COL28A1: variants seen among roughly 807,000 people sequenced by gnomAD.
COL28A1 encodes the protein collagen alpha-1(XXVIII) chain.
Under a neutral mutation model 150.2 loss-of-function variants are expected in COL28A1, and 161 were observed. The ratio of observed to expected loss-of-function variants is 1.07; its 90% CI spans 0.94 to 1.22. The LOEUF (loss-of-function observed/expected upper bound fraction) is 1.22, where lower values mean the gene tolerates loss of function less well. COL28A1 is among the 50% of genes most tolerant of loss of function. The pLI, the probability that COL28A1 is intolerant of heterozygous loss-of-function variation, is 0.00. For missense variants in COL28A1, 1,617 were observed against 1,388.3 expected (o/e 1.16, Z -2.62); for synonymous variants, 552 against 469.7 (o/e 1.18, Z -2.26).
the COL28A1 span, among the ~76,000 whole-genome samples, chr7:7,350,173 G>A: frequency 6.6e-6 from 1 of 152,090 alleles, no homozygotes; most frequent in African/African-American, 2.4e-5. Context: ...TGGAAGCCAG[G>A]TGCAATGACA....
intron 3 of COL28A1, 36 bp from the exon 4 acceptor site, chr7:7,524,285 T>G: frequency 8.7e-7 from 1 of 1,152,110 alleles, no homozygotes; most frequent in South Asian, 1.2e-5. Flanking sequence ...TTAACTCGAT[T>G]GATAGTTCTG....
In COL28A1 at chr7:7,532,826, G is replaced by A. The variant is rs767342248; in HGVS notation, c.50C>T (p.Thr17Met). The A allele has an allele frequency of 3.4e-5, 55 of 1,611,204 alleles. No individual in the cohort carries two copies. Among genetic ancestry groups the A allele is most frequent in the Admixed American group, 8.4e-5 (5 of 59,682 alleles). The change falls in exon 2 of 35, where the codon ACG becomes ATG. Residue 17 changes from threonine (T) to methionine (M), a missense_variant. By Grantham distance (81) the Thr-to-Met change is moderately conservative (BLOSUM62 -1). Coordinates refer to ENST00000399429, the MANE Select transcript of COL28A1 (RefSeq NM_001037763.3). Reference sequence around the variant, plus strand: ...TCTTTGTCCGGATACTGTTTGACTCGTAAACGCTGACAAAAGCAGGAGATA... The same window carrying A: ...TCTTTGTCCGGATACTGTTTGACTCATAAACGCTGACAAAAGCAGGAGATA... ...VFYLLLLSAF[T>M]SQTVSGQRKK...
At chr7:7,477,802 C>A (rs919809180) in intron 13 of COL28A1, among the ~76,000 whole-genome samples, 1 of 152,184 alleles carries the variant, frequency 6.6e-6, no homozygotes, top group Admixed American at 6.5e-5. Context: ...CCTCTGCTGG[C>A]TAGGGCAGCC....
At chr7:7,517,588 C>CT (rs1224768601) in intron 7 of COL28A1, among the ~76,000 whole-genome samples, 4 of 152,144 alleles carry the variant, frequency 2.6e-5, no homozygotes, top group Non-Finnish European at 5.9e-5. Flanking sequence ...AACACTCCTG[C>CT]TCCCATTTTC....
chr7:7,415,451 G>A (rs1583319789), intron 27 of COL28A1, among the ~76,000 whole-genome samples: 1 of 152,226 alleles, frequency 6.6e-6, no homozygotes. Context: ...AGGAAAATGA[G>A]ATGGAAGTCC....
downstream of COL28A1, among the ~76,000 whole-genome samples, chr7:7,351,542 T>C (rs1281469590): frequency 1.3e-5 from 2 of 152,152 alleles, no homozygotes; most frequent in Non-Finnish European, 2.9e-5. Flanking sequence ...CCAAGATTTC[T>C]TGGTAATTCT....
At chr7:7,424,858 A>G (rs1041664794) in intron 25 of COL28A1, among the ~76,000 whole-genome samples, 1 of 152,164 alleles carries the variant, frequency 6.6e-6, no homozygotes, top group African/African-American at 2.4e-5. Context: ...GTGCATATGA[A>G]CTTAACAAAT....
chr7:7,454,558 GT>G (rs899444137), intron 16 of COL28A1, among the ~76,000 whole-genome samples: 2 of 151,548 alleles, frequency 1.3e-5, no homozygotes, highest in Non-Finnish European at 1.5e-5. Context: ...CTTTTGTTTT[GT>G]TTTTTTTCCC....
chr7:7,414,695 C>T (rs1196643948), intron 27 of COL28A1, among the ~76,000 whole-genome samples: 3 of 152,174 alleles, frequency 2.0e-5, no homozygotes, highest in Non-Finnish European at 4.4e-5. Context: ...CCTTCTACTC[C>T]CACATTCCTT....
chr7:7,520,015 C>T, intron 6 of COL28A1, 47 bp downstream of exon 6: 1 of 887,856 alleles, frequency 1.1e-6, no homozygotes, highest in South Asian at 1.5e-5. Context: ...AAAAAAAAGT[C>T]TAGAAGGAGA....
intron 18 of COL28A1, among the ~76,000 whole-genome samples, chr7:7,445,491 G>C (rs1583392684): frequency 3.3e-5 from 5 of 152,192 alleles, no homozygotes; most frequent in Admixed American, 3.3e-4. Context: ...AAGGCACTCA[G>C]TTCCTAGTAC....
intron 16 of COL28A1, among the ~76,000 whole-genome samples, chr7:7,455,142 G>C (rs1787040981): frequency 6.6e-6 from 1 of 152,044 alleles, no homozygotes; most frequent in Admixed American, 6.5e-5. Flanking sequence ...ACAGAAACTA[G>C]ATACAGAAAG....
At position 7,532,893 on chromosome 7, in the gene COL28A1, A is replaced by C. The variant is rs770451312; in HGVS notation, c.-18T>G. ...TTCCACATTATGGTAGATGGTGAAAAATCATCTGTCTTGTAGCACCTTTAA... is the reference window on the plus strand; with the variant it reads ...TTCCACATTATGGTAGATGGTGAAACATCATCTGTCTTGTAGCACCTTTAA... On this transcript the variant is annotated 5_prime_UTR_variant, in exon 2 of 35. The change creates a new upstream start codon in the 5' untranslated region. Coordinates refer to ENST00000399429, the MANE Select transcript of COL28A1 (RefSeq NM_001037763.3). 2 of 1,589,390 alleles carry C rather than the reference A, an allele frequency of 1.3e-6. No homozygotes were observed. The highest frequency in any genetic ancestry group is 3.8e-5 in the Admixed American group (2 of 53,044).
intron 15 of COL28A1, among the ~76,000 whole-genome samples, chr7:7,462,885 A>G (rs1787751386): frequency 6.6e-6 from 1 of 151,756 alleles, no homozygotes; most frequent in African/African-American, 2.4e-5. Context: ...AGAAAAAAGA[A>G]AGAAATGCAA....
intron 27 of COL28A1, among the ~76,000 whole-genome samples, chr7:7,408,961 AG>A (rs1341176150): frequency 6.6e-6 from 1 of 152,120 alleles, no homozygotes; most frequent in Admixed American, 6.6e-5. Flanking sequence ...GATTACTTCA[AG>A]TAGGTCGTGT....
At chr7:7,348,190 C>T in the COL28A1 span, among the ~76,000 whole-genome samples, 1 of 151,934 alleles carries the variant, frequency 6.6e-6, no homozygotes, top group Non-Finnish European at 1.5e-5. Context: ...TTAACTAAGA[C>T]GAGGACAATG....
chr7:7,361,680 TAG>T (rs1160591757), intron 33 of COL28A1, among the ~76,000 whole-genome samples: 1 of 152,214 alleles, frequency 6.6e-6, no homozygotes, highest in Non-Finnish European at 1.5e-5. Flanking sequence ...CATTTTTTGA[TAG>T]AGTTTTTTCT....
chr7:7,388,176 T>A (rs373834450), intron 27 of COL28A1, among the ~76,000 whole-genome samples: 1 of 151,360 alleles, frequency 6.6e-6, no homozygotes. Context: ...CCCCACCCCA[T>A]GACAGGCCTT....
chr7:7,461,221 C>T (rs533807674), intron 15 of COL28A1, among the ~76,000 whole-genome samples: 123 of 152,182 alleles, frequency 8.1e-4, no homozygotes, highest in Non-Finnish European at 1.3e-3. Context: ...GAGAAAGCAG[C>T]AGGAAAATCC....
Sources: gnomAD v4.1 joint callset for allele counts (sites outside exome capture counted in the v4.1 genomes callset) on GRCh38, gnomAD v4.1.1 for gene constraint, MANE v1.5 for transcripts, NCBI Gene and HGNC (gene_info 2026-07-23, HGNC 2026-07-21) for gene names.